The following STK32B variants were observed in gnomAD, a reference collection of about 807,000 sequenced individuals.
STK32B encodes the protein serine/threonine-protein kinase 32B.
In STK32B, 43 loss-of-function variants were observed where a neutral mutation model predicts 52.6. The observed-to-expected ratio is 0.82, with a 90% CI of 0.64 to 1.05. STK32B has a LOEUF of 1.05. Ranked by LOEUF, STK32B falls within the 50% of genes least tolerant of loss-of-function variation. STK32B has a pLI of 0.00. For missense variants in STK32B, 621 were observed against 534.6 expected (o/e 1.16, Z -1.59); for synonymous variants, 238 against 204.3 (o/e 1.17, Z -1.41).
intron 1 of STK32B, among the ~76,000 whole-genome samples, chr4:5,131,594 T>G (rs1715780338): frequency 6.6e-6 from 1 of 152,196 alleles, no homozygotes; most frequent in South Asian, 2.1e-4. Context: ...CTCTCCTTCC[T>G]ACACAGCAGT....
intron 3 of STK32B, among the ~76,000 whole-genome samples, chr4:5,263,818 C>T (rs1237957664): frequency 6.6e-6 from 1 of 152,158 alleles, no homozygotes; most frequent in East Asian, 1.9e-4. Flanking sequence ...ATGTAGCCTC[C>T]TTGTTAATCC....
At chr4:5,240,068 C>CTG (rs1724911832) in intron 3 of STK32B, among the ~76,000 whole-genome samples, 1 of 144,496 alleles carries the variant, frequency 6.9e-6, no homozygotes, top group Non-Finnish European at 1.5e-5. Context: ...CTCTCTCTCT[C>CTG]TCTCTGTCTC....
chr4:5,400,159 G>T lies in STK32B; in HGVS notation c.472+1915G>T, dbSNP rs1181160899. Among the ~76,000 whole-genome samples, 2 of 152,206 alleles carry T rather than the reference G, an allele frequency of 1.3e-5. No homozygotes were observed. The highest frequency in any genetic ancestry group is 2.4e-5 in the African/African-American group (1 of 41,458). ...TAACCCAGGACTGCCTGGCTTCATAGTTCTGGCTCCATCCTCACAGACCTT... is the reference window on the plus strand; with the variant it reads ...TAACCCAGGACTGCCTGGCTTCATATTTCTGGCTCCATCCTCACAGACCTT... On this transcript the variant is annotated intron_variant, in intron 5 of 11. Coordinates refer to ENST00000282908, the MANE Select transcript of STK32B (RefSeq NM_018401.3). The surrounding 1 kb of genome is among the most constrained non-coding windows in gnomAD (Gnocchi z 6.1).
chr4:5,133,290 C>T (rs1427949892), intron 1 of STK32B, among the ~76,000 whole-genome samples: 1 of 152,140 alleles, frequency 6.6e-6, no homozygotes, highest in Non-Finnish European at 1.5e-5. Context: ...TGTATTTATT[C>T]TCCCCAAAAT....
chr4:5,035,010 A>G, the STK32B span, among the ~76,000 whole-genome samples: 1 of 152,022 alleles, frequency 6.6e-6, no homozygotes, highest in South Asian at 2.1e-4. Flanking sequence ...TCCCAGAAGT[A>G]CCTCCCTGAT....
intron 9 of STK32B, among the ~76,000 whole-genome samples, chr4:5,464,491 G>A (rs1292249833): frequency 1.3e-5 from 2 of 152,220 alleles, no homozygotes; most frequent in East Asian, 1.9e-4. Flanking sequence ...GGTGAGGGCC[G>A]CGAAGTGTTG....
At chr4:5,160,166 C>T (rs1025512614) in intron 2 of STK32B, among the ~76,000 whole-genome samples, 2 of 152,194 alleles carry the variant, frequency 1.3e-5, no homozygotes, top group African/African-American at 2.4e-5. Context: ...CTAACCATCA[C>T]ACCAGACAAC....
At chr4:5,351,969 AAAAAG>A (rs1434538771) in intron 4 of STK32B, among the ~76,000 whole-genome samples, 1 of 152,076 alleles carries the variant, frequency 6.6e-6, no homozygotes, top group African/African-American at 2.4e-5. Flanking sequence ...AAGTCTCTCA[AAAAAG>A]AAAAGTCCAG....
At chr4:5,344,464 A>G (rs1301503179) in intron 4 of STK32B, among the ~76,000 whole-genome samples, 1 of 152,130 alleles carries the variant, frequency 6.6e-6, no homozygotes, top group Non-Finnish European at 1.5e-5. Flanking sequence ...CAGTTTCAGT[A>G]CTGATGACCC....
At chr4:5,466,250 G>A (rs1370132059) in intron 9 of STK32B, among the ~76,000 whole-genome samples, 3 of 152,196 alleles carry the variant, frequency 2.0e-5, no homozygotes, top group Non-Finnish European at 1.5e-5. Context: ...GCCAGGGGGC[G>A]GGAGGCGGGG....
At chr4:5,135,643 A>G (rs901964583) in intron 1 of STK32B, among the ~76,000 whole-genome samples, 5 of 152,114 alleles carry the variant, frequency 3.3e-5, no homozygotes, top group African/African-American at 1.2e-4. Context: ...CACAGGAAGG[A>G]GTGGCTTCCC....
At chr4:5,023,594 A>C in the STK32B span, among the ~76,000 whole-genome samples, 9 of 152,078 alleles carry the variant, frequency 5.9e-5, no homozygotes, top group African/African-American at 1.9e-4. Context: ...GACCATTCTC[A>C]TTCTTCAATG....
At chr4:5,490,247 CA>C (rs1719605269) in intron 11 of STK32B, among the ~76,000 whole-genome samples, 1 of 152,004 alleles carries the variant, frequency 6.6e-6, no homozygotes. Context: ...GCTGGGATTA[CA>C]GGTGTGTGCC....
intron 11 of STK32B, among the ~76,000 whole-genome samples, chr4:5,468,500 C>T (rs569977388): frequency 9.8e-5 from 15 of 152,288 alleles, no homozygotes; most frequent in South Asian, 6.2e-4. Flanking sequence ...CCTTAAGACG[C>T]GGGGCTGTGA....
chr4:5,420,827 C>T (rs910222007), intron 6 of STK32B, among the ~76,000 whole-genome samples: 18 of 152,168 alleles, frequency 1.2e-4, no homozygotes, highest in South Asian at 6.2e-4. Context: ...ATGCTGTTTC[C>T]GAAAAGCAAA....
intron 6 of STK32B, among the ~76,000 whole-genome samples, chr4:5,431,399 A>G (rs2109091810): frequency 6.6e-6 from 1 of 152,336 alleles, no homozygotes; most frequent in South Asian, 2.1e-4. Flanking sequence ...GTCATCCCAT[A>G]CGCTATTTAG....
At chr4:5,046,032 T>C in the STK32B span, among the ~76,000 whole-genome samples, 2 of 152,086 alleles carry the variant, frequency 1.3e-5, no homozygotes, top group African/African-American at 2.4e-5. Flanking sequence ...TCATATGACA[T>C]CAAAGAAGAC....
intron 1 of STK32B, among the ~76,000 whole-genome samples, chr4:5,090,270 C>T (rs1170455716): frequency 1.3e-5 from 2 of 151,554 alleles, no homozygotes; most frequent in African/African-American, 4.8e-5. Flanking sequence ...GTATTTTCAT[C>T]ATGAAGTCTT....
chr4:5,162,927 G>C (rs114763936), intron 2 of STK32B, among the ~76,000 whole-genome samples: 1,575 of 152,338 alleles, frequency 0.01, 11 homozygotes, highest in Middle Eastern at 0.017. Flanking sequence ...AGTTTCAGCA[G>C]ATCCCTCAAT....
Sources: gnomAD v4.1 joint callset for allele counts (sites outside exome capture counted in the v4.1 genomes callset) on GRCh38, gnomAD v4.1.1 for gene constraint, Gnocchi (gnomAD v3.1) non-coding constraint, MANE v1.5 for transcripts, NCBI Gene and HGNC (gene_info 2026-07-23, HGNC 2026-07-21) for gene names.